Variants in CHTF18 observed in about 807,000 individuals in gnomAD.
CHTF18 encodes chromosome transmission fidelity protein 18 homolog.
Under a neutral mutation model 113.4 loss-of-function variants are expected in CHTF18, and 151 were observed. That is an observed-to-expected ratio of 1.33 (90% CI 1.17 to 1.52). The LOEUF (loss-of-function observed/expected upper bound fraction) is 1.52, where lower values mean the gene tolerates loss of function less well. Ranked by LOEUF, CHTF18 falls within the 40% of genes most tolerant of loss-of-function variation. The probability of loss-of-function intolerance (pLI) is 0.00; values close to 1 mark genes in which losing one functional copy is unlikely to be tolerated. For synonymous variants in CHTF18, 916 were observed against 598.8 expected (o/e 1.53, Z -7.74); for missense variants, 1,982 against 1,381.6 (o/e 1.43, Z -6.89).
rs80266996 is a variant in CHTF18 at position 797,621 on chromosome 16, G to A, written c.2734-73G>A. 3.0e-5 allele frequency: 46 copies of A among 1,536,620 alleles called. No individual in the cohort carries two copies. The Admixed American group carries it at 5.4e-4, about 18-fold the overall frequency. On this transcript the variant is annotated intron_variant, in intron 20 of 21. Transcript: ENST00000262315. ...GTCCCTCCTCCCTGGGAAGGCTCTCGGTCCTCCTGTCTTGGGTAGGGGCTG... is the reference window on the plus strand; with the variant it reads ...GTCCCTCCTCCCTGGGAAGGCTCTCAGTCCTCCTGTCTTGGGTAGGGGCTG...
In CHTF18 at chr16:789,632, G is replaced by A; in HGVS notation, c.523G>A (p.Glu175Lys). ...NPVLRRPPIL[E>K]DYVHVTSTEG... is the part of the protein sequence containing the mutation. ...CGTCCTGAGGCGGCCCCCCATCTTG[G>A]AGGACTACGTCCACGTGACATCCAC... The change falls in exon 4 of 22, where the codon GAG (glutamate) becomes AAG (lysine). Residue 175 changes from glutamate to lysine, a missense_variant. Coordinates refer to ENST00000262315, the MANE Select transcript of CHTF18 (RefSeq NM_022092.3). 3 of 1,607,912 alleles carry A rather than the reference G, an allele frequency of 1.9e-6. No homozygotes were observed. Among genetic ancestry groups the A allele is most frequent in the Non-Finnish European group, 2.5e-6 (3 of 1,179,752 alleles).
intron 4 of CHTF18, chr16:789,936 C>T (rs561246825): frequency 1.1e-5 from 16 of 1,495,784 alleles, no homozygotes; most frequent in Middle Eastern, 1.7e-4. Flanking sequence ...TGGAGAGGGC[C>T]TCCTTGCTTC....
Position 796,845 on chromosome 16 carries a change from T to TA in CHTF18, c.2586dup (p.Glu863ArgfsTer34). 1 of 1,602,700 alleles carries TA rather than the reference T, an allele frequency of 6.2e-7. No homozygotes were observed. On this transcript the variant is annotated frameshift_variant, in exon 19 of 22. Coordinates refer to ENST00000262315, the MANE Select transcript of CHTF18 (RefSeq NM_022092.3). LOFTEE classifies it high-confidence loss of function. ...CGGCGGGCGGAGGCTTCTGCCCGGG[T>TA]AGAGAACAGCCCCCAGGTGAGCCCA...
rs1180582041 is a variant in CHTF18, at chr16:793,089, G to A, written c.1671+25G>A. 2.6e-6 allele frequency: 4 copies of A among 1,557,204 alleles called. No homozygotes were observed. In the Admixed American group the frequency reaches 5.6e-5, roughly 22 times the overall value. ...GGTGGGCGGCCGGCAGGCACCGGGT[G>A]GGGTGGGGTGGGGTCAGGAGTTGGC... On this transcript the variant is annotated intron_variant, in intron 13 of 21. Transcript: ENST00000262315.
chr16:791,035 A>G, intron 7 of CHTF18, 126 bp from the exon 8 acceptor site: 1 of 1,482,396 alleles, frequency 6.7e-7, no homozygotes, highest in Non-Finnish European at 9.0e-7. Context: ...TGGCAGGAAG[A>G]CGGGGGTGGC....
At chr16:791,452 C>A (rs1339557256) in intron 8 of CHTF18, 82 bp downstream of exon 8, 2 of 1,477,792 alleles carry the variant, frequency 1.4e-6, no homozygotes, top group South Asian at 1.3e-5. Context: ...TGTTGACTTT[C>A]TCCAGGAGCC....
intron 14 of CHTF18, 66 bp from the exon 15 acceptor site, chr16:793,988 G>A: frequency 6.4e-7 from 1 of 1,555,284 alleles, no homozygotes; most frequent in Non-Finnish European, 8.7e-7. Flanking sequence ...GAGTGTCCCG[G>A]GGAGACGGGT....
At chr16:796,176 C>A in intron 18 of CHTF18, 99 bp downstream of exon 18, 3 of 1,467,368 alleles carry the variant, frequency 2.0e-6, no homozygotes, top group South Asian at 1.3e-5. Flanking sequence ...AAAGCACGGT[C>A]ATGGCGTCTG....
rs902474185 is a variant in CHTF18 at position 795,062 on chromosome 16, G to A, written c.1951-70G>A. ...CAGGAGTGGAGGGTCTGTGGCGGGAGGTGGAGGGTCCGTGGTGGTGCACCT... is the reference window on the plus strand; with the variant it reads ...CAGGAGTGGAGGGTCTGTGGCGGGAAGTGGAGGGTCCGTGGTGGTGCACCT... On this transcript the variant is annotated intron_variant, in intron 15 of 21. Transcript: ENST00000262315. The A allele has an allele frequency of 4.8e-6, 6 of 1,246,978 alleles. No homozygotes were observed. In the African/African-American group the frequency reaches 5.9e-5, roughly 12 times the overall value. The allele number at this position is 1,246,978 out of a possible 1,614,324, so 77.2% of individuals were successfully genotyped here. A position where few individuals can be genotyped will look rare whatever the true frequency, so the allele number is the denominator to read the frequency against.
chr16:788,832 C>T (rs1445434214), intron 1 of CHTF18, 57 bp downstream of exon 1: 18 of 1,547,708 alleles, frequency 1.2e-5, no homozygotes, highest in East Asian at 7.5e-5. Flanking sequence ...ACAGTGGCGA[C>T]CTCGGGGAGG....
rs753460427 is a variant in CHTF18, at chr16:795,395, T to TGCC, written c.2175+40_2175+42dup. 5.4e-5 allele frequency: 78 copies of TGCC among 1,454,256 alleles called. No homozygotes were observed. The East Asian group carries it at 1.1e-3, about 20-fold the overall frequency. 90.1% of individuals were successfully genotyped at this position (1,454,256 alleles called of 1,614,324 possible). A position where few individuals can be genotyped will look rare whatever the true frequency, so the allele number is the denominator to read the frequency against. On this transcript the variant is annotated intron_variant, in intron 16 of 21. Transcript: ENST00000262315. ...TGCACCACGCCTGCCCCCGGCCCCG[T>TGCC]GCCCGCCCCCCTGTGCTGCCCGTGT...
intron 14 of CHTF18, 120 bp from the exon 15 acceptor site, chr16:793,934 C>T (rs1009995593): frequency 7.7e-6 from 9 of 1,166,288 alleles, no homozygotes; most frequent in South Asian, 5.7e-5. Context: ...AGCAAGGGCC[C>T]TGCTGAGAAG....
Position 797,702 on chromosome 16 carries a change from G to A in CHTF18, c.2742G>A (p.Lys914=), listed in dbSNP as rs574339330. The A allele has an allele frequency of 6.8e-6, 11 of 1,611,828 alleles. No homozygotes were observed. The African/African-American group carries it at 1.1e-4, about 16-fold the overall frequency. ...RRAAREEQPE[K]DFFGRVVVRS... ...GTCCTTCCTCCCATCAGCCTGAGAA[G>A]GACTTCTTTGGACGTGTGGTCGTCA... is the stretch of plus-strand genomic sequence containing the variant. Residue 914 remains lysine, a synonymous_variant, in exon 21 of 22, where the codon AAG becomes AAA. Transcript: ENST00000262315.
Position 793,341 on chromosome 16 carries a change from G to A in CHTF18, c.1802+67G>A. On this transcript the variant is annotated intron_variant, in intron 14 of 21. Coordinates refer to ENST00000262315, the MANE Select transcript of CHTF18 (RefSeq NM_022092.3). ...CCGGACCTCAGGACGCTAGCCCTGT[G>A]TGCAGGCCAGCACTACCTTCGAGGC... is the stretch of plus-strand genomic sequence containing the variant. The A allele has an allele frequency of 3.2e-6, 5 of 1,563,776 alleles. No individual in the cohort carries two copies. In the South Asian group the frequency reaches 5.8e-5, roughly 18 times the overall value.
chr16:796,503 C>T (rs1450138577), intron 18 of CHTF18: 6 of 609,864 alleles, frequency 9.8e-6, no homozygotes, highest in Non-Finnish European at 1.7e-5. Flanking sequence ...CAGGTTTCAT[C>T]ATCATCCCAC....
In CHTF18 at chr16:789,627, T is replaced by A. The variant is rs201682101; in HGVS notation, c.518T>A (p.Ile173Asn). 1 of 1,608,298 alleles carries A rather than the reference T, an allele frequency of 6.2e-7. No individual in the cohort carries two copies. The highest frequency in any genetic ancestry group is 8.5e-7 in the Non-Finnish European group (1 of 1,179,742). Residue 173 changes from isoleucine to asparagine, a missense_variant, in exon 4 of 22, where the codon ATC (isoleucine) becomes AAC (asparagine). Coordinates refer to ENST00000262315, the MANE Select transcript of CHTF18 (RefSeq NM_022092.3). ...AATCCCGTCCTGAGGCGGCCCCCCA[T>A]CTTGGAGGACTACGTCCACGTGACA... ...ARNPVLRRPPILEDYVHVTST... is the reference protein window; with the variant it reads ...ARNPVLRRPPNLEDYVHVTST...
At position 794,187 on chromosome 16, in the gene CHTF18, G is replaced by A. The variant is rs755309939; in HGVS notation, c.1936G>A (p.Glu646Lys). Residue 646 changes from glutamate (E) to lysine (K), a missense_variant, in exon 15 of 22, where the codon GAG (glutamate) becomes AAG (lysine). Glu to Lys is a moderately conservative substitution (Grantham distance 56, BLOSUM62 1). Coordinates refer to ENST00000262315, the MANE Select transcript of CHTF18 (RefSeq NM_022092.3). ...LHAAASAGEHEKVVQGLFDNF... is the reference protein window; with the variant it reads ...LHAAASAGEHKKVVQGLFDNF... Reference sequence around the variant, plus strand: ...TGCCGCTGCCTCTGCGGGCGAGCACGAGAAGGTGGTCCAGGTACCTGTCTT... The same window carrying A: ...TGCCGCTGCCTCTGCGGGCGAGCACAAGAAGGTGGTCCAGGTACCTGTCTT... 2 of 1,611,382 alleles carry A rather than the reference G, an allele frequency of 1.2e-6. No homozygotes were observed. Among genetic ancestry groups the A allele is most frequent in the African/African-American group, 1.3e-5 (1 of 74,920 alleles).
rs769715343 is a variant in CHTF18, at chr16:794,173, C to T, written c.1922C>T (p.Ser641Phe). ...RFYRVLHAAA[S>F]AGEHEKVVQG... ...TACCGTGTCCTGCATGCCGCTGCCT[C>T]TGCGGGCGAGCACGAGAAGGTGGTC... The change falls in exon 15 of 22, where the codon TCT becomes TTT. Residue 641 changes from serine to phenylalanine, a missense_variant. Transcript: ENST00000262315. 2.5e-6 allele frequency: 4 copies of T among 1,612,228 alleles called. No homozygotes were observed. Among genetic ancestry groups the T allele is most frequent in the Admixed American group, 3.3e-5 (2 of 60,000 alleles).
At position 789,030 on chromosome 16, in the gene CHTF18, G is replaced by T. The variant is rs771322371; in HGVS notation, c.191G>T (p.Ser64Ile). ...EALARGDAASSPAPAASVGSS... is the reference protein window; with the variant it reads ...EALARGDAASIPAPAASVGSS... ...CTTGCCAGAGGGGACGCGGCCTCCA[G>T]TCCCGCCCCAGCCGCATCTGTGGGC... The change falls in exon 2 of 22, where the codon AGT (serine) becomes ATT (isoleucine). Residue 64 changes from serine to isoleucine, a missense_variant. Transcript: ENST00000262315. 1 of 1,536,278 alleles carries T rather than the reference G, an allele frequency of 6.5e-7. No homozygotes were observed. Among genetic ancestry groups the T allele is most frequent in the Non-Finnish European group, 8.8e-7 (1 of 1,142,278 alleles).
Sources: gnomAD v4.1 joint callset for allele counts on GRCh38, gnomAD v4.1.1 for gene constraint, MANE v1.5 for transcripts, NCBI Gene and HGNC (gene_info 2026-07-23, HGNC 2026-07-21) for gene names.